RIN3: variants seen among roughly 807,000 people sequenced by gnomAD.
RIN3 encodes the protein RAB5 interacting protein 3.
RIN3 carries 54 observed loss-of-function variants against 76.3 expected under a neutral mutation model. The observed-to-expected ratio is 0.71, with a 90% CI of 0.57 to 0.89. The LOEUF (loss-of-function observed/expected upper bound fraction) is 0.89, where lower values mean the gene tolerates loss of function less well. RIN3 is among the 40% of genes least tolerant of loss of function. RIN3 has a pLI of 0.00. For missense variants in RIN3, 1,256 were observed against 1,322.1 expected (o/e 0.95, Z 0.78); for synonymous variants, 576 against 564.0 (o/e 1.02, Z -0.30).
chr14:92,622,387 A>ATAAGGCCATGC (rs1444202001), intron 4 of RIN3, among the ~76,000 whole-genome samples: 4 of 152,146 alleles, frequency 2.6e-5, no homozygotes, highest in Non-Finnish European at 5.9e-5. Flanking sequence ...GTAATCCCTG[A>ATAAGGCCATGC]CTTTTAGCAT....
intron 4 of RIN3, among the ~76,000 whole-genome samples, chr14:92,617,018 G>T (rs952482789): frequency 3.9e-5 from 6 of 152,146 alleles, no homozygotes; most frequent in African/African-American, 1.2e-4. Flanking sequence ...CAAATTCCTG[G>T]CCAGGCACGG....
At chr14:92,657,758 G>A (rs1175919705) in intron 6 of RIN3, among the ~76,000 whole-genome samples, 1 of 152,222 alleles carries the variant, frequency 6.6e-6, no homozygotes, top group Non-Finnish European at 1.5e-5. Flanking sequence ...GGAACGGGGT[G>A]AGGGAAGTGA....
intron 4 of RIN3, among the ~76,000 whole-genome samples, chr14:92,630,245 C>T (rs1356338640): frequency 6.6e-6 from 1 of 152,190 alleles, no homozygotes; most frequent in Non-Finnish European, 1.5e-5. Flanking sequence ...AATCCCAGCA[C>T]TTTAGGAGGC....
At chr14:92,533,176 A>G (rs780509458) in intron 1 of RIN3, among the ~76,000 whole-genome samples, 1 of 152,264 alleles carries the variant, frequency 6.6e-6, no homozygotes, top group East Asian at 1.9e-4. Flanking sequence ...CACTGAAAAG[A>G]TGTAAACTTT....
In RIN3 at chr14:92,688,681, T is replaced by A. The variant is rs551551591; in HGVS notation, c.*429T>A. ...AGGAAGGAGCACCGGCCACAGCTGC[T>A]CCCCGTGCCACTCAGGGTGGACCCA... On this transcript the variant is annotated 3_prime_UTR_variant, in exon 10 of 10. Transcript: ENST00000216487. 6.6e-5 allele frequency: 12 copies of A among 181,808 alleles called. No homozygotes were observed. Among genetic ancestry groups the A allele is most frequent in the South Asian group, 1.3e-4 (1 of 7,752 alleles). 11.3% of individuals were successfully genotyped at this position (181,808 alleles called of 1,614,324 possible). A position where few individuals can be genotyped will look rare whatever the true frequency, so the allele number is the denominator to read the frequency against.
intron 6 of RIN3, among the ~76,000 whole-genome samples, chr14:92,655,691 G>A (rs899357428): frequency 6.6e-6 from 1 of 152,252 alleles, no homozygotes; most frequent in African/African-American, 2.4e-5. Context: ...CCAGGACGGA[G>A]GCAGCACAGA....
intron 2 of RIN3, among the ~76,000 whole-genome samples, chr14:92,574,318 CA>C: frequency 6.6e-6 from 1 of 152,314 alleles, no homozygotes; most frequent in East Asian, 1.9e-4. Context: ...GCATTGCATG[CA>C]AAGAAGCTGG....
At chr14:92,667,704 A>G (rs1888158469) in intron 7 of RIN3, among the ~76,000 whole-genome samples, 1 of 152,200 alleles carries the variant, frequency 6.6e-6, no homozygotes, top group South Asian at 2.1e-4. Flanking sequence ...ATGCTGGATA[A>G]GCCCTCTCAT....
rs545769426 is a variant in RIN3, at chr14:92,615,492, G to C, written c.440+13G>C. The C allele has an allele frequency of 4.3e-6, 7 of 1,609,232 alleles. No individual in the cohort carries two copies. In the African/African-American group the frequency reaches 8.0e-5, roughly 18 times the overall value. ...ACTGTGTCAGTAGGTGAGTAGACCC[G>C]GCCCTGCAGGAGGTTATCTGGTTGT... On this transcript the variant is annotated intron_variant, in intron 4 of 9. Coordinates refer to ENST00000216487, the MANE Select transcript of RIN3 (RefSeq NM_024832.5).
At chr14:92,542,630 G>A (rs1346530105) in intron 1 of RIN3, among the ~76,000 whole-genome samples, 2 of 152,202 alleles carry the variant, frequency 1.3e-5, no homozygotes, top group East Asian at 3.8e-4. Context: ...AATATTAGCA[G>A]CATTATTTGT....
At chr14:92,573,676 G>A (rs928370532) in intron 2 of RIN3, among the ~76,000 whole-genome samples, 1 of 152,216 alleles carries the variant, frequency 6.6e-6, no homozygotes, top group Admixed American at 6.5e-5. Flanking sequence ...GGTTTTTGAA[G>A]CTCTGTGCCA....
intron 1 of RIN3, among the ~76,000 whole-genome samples, chr14:92,545,110 T>G (rs1164607063): frequency 7.2e-6 from 1 of 138,792 alleles, no homozygotes; most frequent in Non-Finnish European, 1.6e-5. Flanking sequence ...TCTGGTGTTT[T>G]TTTTTTTTTT....
intron 5 of RIN3, among the ~76,000 whole-genome samples, chr14:92,649,391 G>C (rs1341376157): frequency 1.3e-5 from 2 of 152,088 alleles, no homozygotes; most frequent in African/African-American, 4.8e-5. Context: ...AGGCAACTTT[G>C]TTGGGCCTGT....
At chr14:92,523,630 G>A (rs1469932023) in intron 1 of RIN3, among the ~76,000 whole-genome samples, 1 of 152,134 alleles carries the variant, frequency 6.6e-6, no homozygotes, top group African/African-American at 2.4e-5. Flanking sequence ...ATCCACTAAG[G>A]CTCTTGTTTC....
intron 6 of RIN3, 138 bp from the exon 7 acceptor site, chr14:92,659,023 A>G: frequency 2.5e-6 from 2 of 786,528 alleles, no homozygotes; most frequent in Non-Finnish European, 4.2e-6. Context: ...TGTCAGAACC[A>G]CAGGGTATAA....
intron 2 of RIN3, among the ~76,000 whole-genome samples, chr14:92,565,382 C>T (rs1897890444): frequency 6.6e-6 from 1 of 152,088 alleles, no homozygotes; most frequent in Non-Finnish European, 1.5e-5. Context: ...TCTTGGACCT[C>T]AGGCAAGAAA....
Position 92,652,633 on chromosome 14 carries a change from G to A in RIN3, c.1584G>A (p.Lys528=). Residue 528 remains lysine (K), a synonymous_variant, in exon 6 of 10, where the codon AAG becomes AAA. Coordinates refer to ENST00000216487, the MANE Select transcript of RIN3 (RefSeq NM_024832.5). This position sits in a 1 kb window ranked among gnomAD's most constrained non-coding sequence, Gnocchi z 6.4. The part of the protein sequence containing the change: ...TAHSQSSPEF[K]GSLASLSDSL... ...ATTCCCAGAGCTCTCCAGAGTTCAAGGGCTCCCTGGCCTCCCTCTCAGACA... is the reference window on the plus strand; with the variant it reads ...ATTCCCAGAGCTCTCCAGAGTTCAAAGGCTCCCTGGCCTCCCTCTCAGACA... 1 of 1,611,154 alleles carries A rather than the reference G, an allele frequency of 6.2e-7. No homozygotes were observed. Among genetic ancestry groups the A allele is most frequent in the South Asian group, 1.1e-5 (1 of 91,072 alleles).
At chr14:92,616,861 G>A (rs535087265) in intron 4 of RIN3, among the ~76,000 whole-genome samples, 1 of 152,302 alleles carries the variant, frequency 6.6e-6, no homozygotes, top group East Asian at 1.9e-4. Context: ...ACAGAGATTT[G>A]CAGGAGAAAA....
chr14:92,611,642 G>A (rs1035999456), intron 3 of RIN3, among the ~76,000 whole-genome samples: 1 of 152,134 alleles, frequency 6.6e-6, no homozygotes, highest in African/African-American at 2.4e-5. Flanking sequence ...CATCTACAAA[G>A]AATCTATTTC....
Sources: gnomAD v4.1 joint callset for allele counts (sites outside exome capture counted in the v4.1 genomes callset) on GRCh38, gnomAD v4.1.1 for gene constraint, Gnocchi (gnomAD v3.1) non-coding constraint, MANE v1.5 for transcripts, NCBI Gene and HGNC (gene_info 2026-07-23, HGNC 2026-07-21) for gene names.